The following NAP1L1 variants were observed in gnomAD, a reference collection of about 807,000 sequenced individuals.
NAP1L1 encodes nucleosome assembly protein 1 like 1, also known as nucleosome assembly protein 1-like 1.
In NAP1L1, 9 loss-of-function variants were observed where a neutral mutation model predicts 58.9. That is an observed-to-expected ratio of 0.15 (90% CI 0.09 to 0.27). The LOEUF is 0.27. NAP1L1 is among the 10% of genes least tolerant of loss of function. The probability of loss-of-function intolerance (pLI) is 1.00; values close to 1 mark genes in which losing one functional copy is unlikely to be tolerated. For missense variants in NAP1L1, 302 were observed against 458.8 expected (o/e 0.66, Z 3.12); for synonymous variants, 130 against 138.3 (o/e 0.94, Z 0.42).
chr12:76,082,013 A>T (rs1341043896), intron 1 of NAP1L1, among the ~76,000 whole-genome samples: 1 of 152,216 alleles, frequency 6.6e-6, no homozygotes, highest in Non-Finnish European at 1.5e-5. Context: ...ATGTCCATAC[A>T]GGTGCTAGAT....
At chr12:76,068,047 C>T (rs561446575) in intron 3 of NAP1L1, among the ~76,000 whole-genome samples, 1 of 152,148 alleles carries the variant, frequency 6.6e-6, no homozygotes, top group East Asian at 1.9e-4. Context: ...CATACTCAAT[C>T]CAAATATGCA....
rs935587924 is a variant in NAP1L1 at position 76,039,211 on chromosome 12, C to T, written c.*9218G>A. On this transcript the variant is annotated 3_prime_UTR_variant, in exon 15 of 15. Transcript: ENST00000618691. ...CACCCAGCTCTATTTTATTTACTATCCTACTTTTAGCACTGTGAGCATAAA... is the reference window on the plus strand; with the variant it reads ...CACCCAGCTCTATTTTATTTACTATTCTACTTTTAGCACTGTGAGCATAAA... The T allele has an allele frequency of 2.0e-5, 3 of 152,156 alleles. No homozygotes were observed. Among genetic ancestry groups the T allele is most frequent in the Admixed American group, 1.3e-4 (2 of 15,274 alleles). 9.4% of individuals were successfully genotyped at this position (152,156 alleles called of 1,614,324 possible). A position where few individuals can be genotyped will look rare whatever the true frequency, so the allele number is the denominator to read the frequency against.
At chr12:76,083,605 C>A (rs1338243917) in intron 1 of NAP1L1, among the ~76,000 whole-genome samples, 1 of 151,778 alleles carries the variant, frequency 6.6e-6, no homozygotes, top group Non-Finnish European at 1.5e-5. Context: ...AAATAAAAAA[C>A]CCTGATCAAG....
At chr12:76,057,991 C>A in intron 6 of NAP1L1, 1 of 846,512 alleles carries the variant, frequency 1.2e-6, no homozygotes, top group Non-Finnish European at 2.1e-6. Context: ...CAAAAATTCT[C>A]CTGTGGTGCC....
intron 11 of NAP1L1, among the ~76,000 whole-genome samples, chr12:76,051,002 GA>G (rs57970257): frequency 2.4e-3 from 199 of 83,736 alleles, no homozygotes; most frequent in East Asian, 4.9e-3. Context: ...CTGGGCAACC[GA>G]AAAAAAAAAA....
intron 1 of NAP1L1, among the ~76,000 whole-genome samples, chr12:76,082,161 GAATAA>G (rs1407952982): frequency 1.3e-5 from 2 of 152,106 alleles, no homozygotes; most frequent in African/African-American, 2.4e-5. Context: ...ACCAAGAAGT[GAATAA>G]AATATTGTAT....
rs1332622492 is a variant in NAP1L1, at chr12:76,049,524, C to A, written c.1089+232G>T. On this transcript the variant is annotated intron_variant, in intron 13 of 14. Transcript: ENST00000618691. ...TTTGACTTCTTCAAAGAGCTGATAA[C>A]CCTGCAGCAGAACAAAATTATTTGA... 2.0e-6 allele frequency: 3 copies of A among 1,535,446 alleles called. No homozygotes were observed. The Admixed American group carries it at 5.9e-5, about 30-fold the overall frequency.
chr12:76,083,665 AAC>A lies in NAP1L1; in HGVS notation c.-21+900_-21+901del, dbSNP rs372069535. 1.3e-3 allele frequency among the ~76,000 whole-genome samples: 199 copies of A among 152,252 alleles called. 2 individuals carry two copies. Among genetic ancestry groups the A allele is most frequent in the African/African-American group, 3.6e-3 (150 of 41,530 alleles). ...AACACAATAACAACCTTTTGCTAAT[AAC>A]AGTTAATATAAGCGCTATATACGCG... On this transcript the variant is annotated intron_variant, in intron 1 of 14. Transcript: ENST00000618691.
chr12:76,055,008 A>C lies in NAP1L1; in HGVS notation c.630+11T>G, dbSNP rs200052264. The stretch of plus-strand genomic sequence containing the variant: ...TGTTACAAAATTATAAATATTTCAA[A>C]GTTCTTTTACCATAGGCTGGCCAGC... On this transcript the variant is annotated intron_variant, in intron 8 of 14. Coordinates refer to ENST00000618691, the MANE Select transcript of NAP1L1 (RefSeq NM_004537.7). 1.7e-4 allele frequency: 267 copies of C among 1,580,194 alleles called. 1 individual carries two copies. In the African/African-American group the frequency reaches 2.8e-3, roughly 17 times the overall value.
intron 1 of NAP1L1, among the ~76,000 whole-genome samples, chr12:76,080,847 C>T (rs1344535546): frequency 1.3e-5 from 2 of 152,148 alleles, no homozygotes; most frequent in Admixed American, 1.3e-4. Flanking sequence ...GGGCTCCACC[C>T]TCACAAACGA....
rs1592596696 is a variant in NAP1L1 at position 76,045,469 on chromosome 12, C to T, written c.*2960G>A. On this transcript the variant is annotated 3_prime_UTR_variant, in exon 15 of 15. Coordinates refer to ENST00000618691, the MANE Select transcript of NAP1L1 (RefSeq NM_004537.7). ...TAATTCAGTTATTTTAGGGGCCTTA[C>T]CATATCATTAACCTATTCACACAAC... 1 of 151,996 alleles carries T rather than the reference C, an allele frequency of 6.6e-6. No individual in the cohort carries two copies. Among genetic ancestry groups the T allele is most frequent in the Admixed American group, 6.5e-5 (1 of 15,276 alleles). The allele number at this position is 151,996 out of a possible 1,614,324, so 9.4% of individuals were successfully genotyped here.
rs1020130248 is a variant in NAP1L1, at chr12:76,041,465, G to A, written c.*6964C>T. 1 of 152,260 alleles carries A rather than the reference G, an allele frequency of 6.6e-6. No individual in the cohort carries two copies. Among genetic ancestry groups the A allele is most frequent in the African/African-American group, 2.4e-5 (1 of 41,472 alleles). 9.4% of individuals were successfully genotyped at this position (152,260 alleles called of 1,614,324 possible). On this transcript the variant is annotated 3_prime_UTR_variant, in exon 15 of 15. Transcript: ENST00000618691. ...AAGTAAAAGAAAAGGCAGCCAAGCA[G>A]AGCTGAAATAGTGCAAATGCAGGTT...
intron 3 of NAP1L1, 179 bp downstream of exon 3, chr12:76,068,729 GC>G: frequency 3.4e-6 from 1 of 296,580 alleles, no homozygotes. Context: ...ATACCTACCC[GC>G]CCCTTACACA....
At chr12:76,058,386 ACTT>A (rs1949235418) in intron 6 of NAP1L1, among the ~76,000 whole-genome samples, 1 of 133,980 alleles carries the variant, frequency 7.5e-6, no homozygotes, top group South Asian at 2.3e-4. Flanking sequence ...GTTATTTGGT[ACTT>A]TTTTTTTTTT....
chr12:76,077,008 TTC>T (rs1950206645), intron 1 of NAP1L1, among the ~76,000 whole-genome samples: 1 of 152,242 alleles, frequency 6.6e-6, no homozygotes, highest in South Asian at 2.1e-4. Flanking sequence ...CACAAATTTA[TTC>T]TGAGATTTGC....
intron 1 of NAP1L1, among the ~76,000 whole-genome samples, chr12:76,075,074 T>G (rs530513039): frequency 6.6e-6 from 1 of 152,134 alleles, no homozygotes; most frequent in Non-Finnish European, 1.5e-5. Flanking sequence ...ATGTGTTATA[T>G]CCAGGCAGAA....
In NAP1L1 at chr12:76,042,290, C is replaced by G. The variant is rs1283915904; in HGVS notation, c.*6139G>C. The G allele has an allele frequency of 6.6e-6, 1 of 152,142 alleles. No individual in the cohort carries two copies. The highest frequency in any genetic ancestry group is 1.5e-5 in the Non-Finnish European group (1 of 68,020). 9.4% of individuals were successfully genotyped at this position (152,142 alleles called of 1,614,324 possible). A position where few individuals can be genotyped will look rare whatever the true frequency, so the allele number is the denominator to read the frequency against. ...GGTTTTCTTATGTTTAGGAAGTGCT[C>G]ATAGGCTCTAAGTACTTTTGTTTCC... On this transcript the variant is annotated 3_prime_UTR_variant, in exon 15 of 15. Transcript: ENST00000618691.
intron 6 of NAP1L1, chr12:76,058,131 A>G: frequency 1.4e-6 from 1 of 705,188 alleles, no homozygotes; most frequent in Non-Finnish European, 2.7e-6. Context: ...AGTGAATTTG[A>G]AAATTTGTCT....
Position 76,083,581 on chromosome 12 carries a change from G to T in NAP1L1, c.-21+986C>A, listed in dbSNP as rs79119976. On this transcript the variant is annotated intron_variant, in intron 1 of 14. Coordinates refer to ENST00000618691, the MANE Select transcript of NAP1L1 (RefSeq NM_004537.7). Reference sequence around the variant, plus strand: ...TGGTTTAGGGGTTTAGATCGATCAGGATCAATACTCCCCAAATAAAAAACC... The same window carrying T: ...TGGTTTAGGGGTTTAGATCGATCAGTATCAATACTCCCCAAATAAAAAACC... Among the ~76,000 whole-genome samples the T allele has an allele frequency of 9.7e-3, 1,477 of 151,570 alleles. 21 individuals are homozygous for T. The highest frequency in any genetic ancestry group is 0.033 in the African/African-American group (1,370 of 41,274).
Sources: gnomAD v4.1 joint callset for allele counts (sites outside exome capture counted in the v4.1 genomes callset) on GRCh38, gnomAD v4.1.1 for gene constraint, MANE v1.5 for transcripts, NCBI Gene and HGNC (gene_info 2026-07-23, HGNC 2026-07-21) for gene names.